The following SMIM35 variants were observed in gnomAD, a reference collection of about 807,000 sequenced individuals.
The protein encoded by SMIM35 is small integral membrane protein 35, also known as TMPRSS4 antisense RNA 1 (non-protein coding).
At position 118,047,503 on chromosome 11, in the gene SMIM35, T is replaced by C. The variant is rs2135093092; in HGVS notation, c.8-31694A>G. On this transcript the variant is annotated intron_variant, in intron 1 of 4. Transcript: ENST00000689828. ...TGACTCTTCCTCAACAGAATCTTGG[T>C]GGTGGCTCAGGACAGCCAAGATGTC... 1.3e-5 allele frequency among the ~76,000 whole-genome samples: 2 copies of C among 152,242 alleles called. 1 individual carries two copies. Among genetic ancestry groups the C allele is most frequent in the South Asian group, 4.2e-4 (2 of 4,818 alleles).
At chr11:118,077,246 T>C in intron 1 of SMIM35, 1 of 1,581,944 alleles carries the variant, frequency 6.3e-7, no homozygotes, top group Non-Finnish European at 8.6e-7. Context: ...CCTGCTGCCT[T>C]GGGGTGACAA....
At chr11:118,016,813 G>C (rs73011708) in intron 1 of SMIM35, among the ~76,000 whole-genome samples, 8,707 of 152,192 alleles carry the variant, frequency 0.057, 547 homozygotes, top group East Asian at 0.35. Context: ...ACTTAGGAGA[G>C]GATCTGACAT....
chr11:118,004,812 G>A lies in SMIM35; in HGVS notation c.*1598C>T, dbSNP rs1292906564. On this transcript the variant is annotated 3_prime_UTR_variant, in exon 5 of 5. Transcript: ENST00000689828. ...CATCTGTCTTGCAGAGCCCAGCCAG[G>A]AGCCTCACTGGGGCTCCTTGGTCAA... 6.6e-6 allele frequency: 1 copy of A among 152,238 alleles called. No homozygotes were observed. Among genetic ancestry groups the A allele is most frequent in the East Asian group, 1.9e-4 (1 of 5,194 alleles). 9.4% of individuals were successfully genotyped at this position (152,238 alleles called of 1,614,324 possible). A position where few individuals can be genotyped will look rare whatever the true frequency, so the allele number is the denominator to read the frequency against.
chr11:118,041,405 G>A (rs758289665), intron 1 of SMIM35, among the ~76,000 whole-genome samples: 22 of 151,968 alleles, frequency 1.4e-4, no homozygotes, highest in Non-Finnish European at 1.9e-4. Context: ...ATGCCAAGCC[G>A]TAAAACAAAC....
intron 2 of SMIM35, among the ~76,000 whole-genome samples, chr11:118,015,200 C>G (rs999440068): frequency 6.6e-6 from 1 of 152,250 alleles, no homozygotes. Flanking sequence ...TTCCAGCACA[C>G]CCTTCCAGTT....
chr11:118,054,714 TATA>T (rs1944283614), intron 1 of SMIM35, among the ~76,000 whole-genome samples: 1 of 152,188 alleles, frequency 6.6e-6, no homozygotes, highest in South Asian at 2.1e-4. Context: ...GTTGTGTTTT[TATA>T]TGTTTCCAAT....
chr11:118,057,019 A>G (rs1305613682), intron 1 of SMIM35, among the ~76,000 whole-genome samples: 1 of 152,180 alleles, frequency 6.6e-6, no homozygotes, highest in Non-Finnish European at 1.5e-5. Context: ...CTCACTCCCC[A>G]AGCTGAGTGG....
chr11:118,052,688 C>G (rs1944237222), intron 1 of SMIM35, among the ~76,000 whole-genome samples: 2 of 152,050 alleles, frequency 1.3e-5, no homozygotes, highest in Non-Finnish European at 2.9e-5. Flanking sequence ...CCACGACCCC[C>G]ACCTGGGCAT....
intron 1 of SMIM35, among the ~76,000 whole-genome samples, chr11:118,027,669 C>G (rs956296347): frequency 1.3e-5 from 2 of 152,190 alleles, no homozygotes; most frequent in African/African-American, 4.8e-5. Flanking sequence ...TCAACTGATT[C>G]CTGAAGACGC....
chr11:118,032,319 G>C (rs1206720537), intron 1 of SMIM35, among the ~76,000 whole-genome samples: 1 of 152,162 alleles, frequency 6.6e-6, no homozygotes, highest in Non-Finnish European at 1.5e-5. Context: ...ACTGTGTCAT[G>C]GTTATGTAGG....
At chr11:118,009,753 G>T (rs2058141305) in intron 4 of SMIM35, among the ~76,000 whole-genome samples, 1 of 151,684 alleles carries the variant, frequency 6.6e-6, no homozygotes, top group Admixed American at 6.6e-5. Flanking sequence ...AAGTAGATGA[G>T]GTCTTTGCTC....
At chr11:118,038,497 T>C (rs1003355475) in intron 1 of SMIM35, among the ~76,000 whole-genome samples, 17 of 152,212 alleles carry the variant, frequency 1.1e-4, no homozygotes, top group African/African-American at 3.9e-4. Flanking sequence ...TTTCTTAAAC[T>C]TTTTAGTGCC....
intron 1 of SMIM35, among the ~76,000 whole-genome samples, chr11:118,019,959 A>T (rs2058212306): frequency 1.3e-5 from 2 of 152,188 alleles, no homozygotes; most frequent in Admixed American, 1.3e-4. Flanking sequence ...TATCTTAATT[A>T]CTATGGTCTC....
chr11:118,054,167 T>C (rs1565393391), intron 1 of SMIM35, among the ~76,000 whole-genome samples: 1 of 131,260 alleles, frequency 7.6e-6, no homozygotes, highest in Non-Finnish European at 1.7e-5. Context: ...TTTTTTTGTT[T>C]TGTTTTTTTG....
At chr11:118,034,368 A>T (rs929925713) in intron 1 of SMIM35, among the ~76,000 whole-genome samples, 1 of 152,124 alleles carries the variant, frequency 6.6e-6, no homozygotes. Flanking sequence ...TTACTTTTTT[A>T]AAAAATTGTC....
chr11:118,019,981 C>T lies in SMIM35; in HGVS notation c.8-4172G>A, dbSNP rs191756588. On this transcript the variant is annotated intron_variant, in intron 1 of 4. Coordinates refer to ENST00000689828, the MANE Select transcript of SMIM35 (RefSeq NM_001394165.1). ...ATTACTATGGTCTCATAATAAATCT[C>T]GGCTGGGCATGGTGTCTCACGCCTG... Among the ~76,000 whole-genome samples, 335 of 152,222 alleles carry T rather than the reference C, an allele frequency of 2.2e-3. 1 individual carries two copies. Among genetic ancestry groups the T allele is most frequent in the Non-Finnish European group, 3.5e-3 (241 of 68,030 alleles).
At chr11:118,021,060 C>CTTTTTTTTTTTT (rs1591279274) in intron 1 of SMIM35, among the ~76,000 whole-genome samples, 8 of 125,580 alleles carry the variant, frequency 6.4e-5, no homozygotes, top group African/African-American at 1.5e-4. Flanking sequence ...TTTTTTTTTA[C>CTTTTTTTTTTTT]TATTTATTAA....
At chr11:118,061,539 C>T (rs1293785938) in intron 1 of SMIM35, among the ~76,000 whole-genome samples, 1 of 152,090 alleles carries the variant, frequency 6.6e-6, no homozygotes, top group African/African-American at 2.4e-5. Flanking sequence ...AACTAAGTTA[C>T]CAGACGAACA....
At chr11:118,020,031 G>A (rs1358134850) in intron 1 of SMIM35, among the ~76,000 whole-genome samples, 1 of 152,180 alleles carries the variant, frequency 6.6e-6, no homozygotes, top group Non-Finnish European at 1.5e-5. Flanking sequence ...GGGAGGCCAA[G>A]GTTGTCGGAT....
Sources: allele counts gnomAD v4.1 joint callset (sites outside exome capture counted in the v4.1 genomes callset), GRCh38; gene constraint gnomAD v4.1.1; transcripts MANE v1.5; gene names NCBI Gene and HGNC (gene_info 2026-07-23, HGNC 2026-07-21).